The following RBFOX1 variants were observed in gnomAD, a reference collection of about 807,000 sequenced individuals.
RBFOX1 encodes the protein RNA binding fox-1 homolog 1.
A neutral mutation model predicts 57.7 loss-of-function variants in RBFOX1; 8 were observed. That is an observed-to-expected ratio of 0.14 (90% confidence interval 0.08 to 0.25). RBFOX1 has a LOEUF of 0.25. Among genes scored for constraint, RBFOX1 ranks in the 10% least tolerant of loss-of-function variants. The pLI, the probability that RBFOX1 is intolerant of heterozygous loss-of-function variation, is 1.00. For synonymous variants in RBFOX1, 326 were observed against 222.4 expected (o/e 1.47, Z -4.15); for missense variants, 611 against 548.5 (o/e 1.11, Z -1.14).
chr16:6,637,326 T>TTATATATTAAATATATATAA (rs2098449908), intron 2 of RBFOX1, among the ~76,000 whole-genome samples: 1 of 23,180 alleles, frequency 4.3e-5, no homozygotes, highest in African/African-American at 1.8e-4. Flanking sequence ...ATTATATATA[T>TTATATATTAAATATATATAA]TATATAATAT....
intron 3 of RBFOX1, among the ~76,000 whole-genome samples, chr16:5,720,187 G>T (rs2051876374): frequency 6.6e-6 from 1 of 152,162 alleles, no homozygotes; most frequent in African/African-American, 2.4e-5. Context: ...ATTGAACATT[G>T]TGTGTGTGCT....
At chr16:7,036,950 A>C (rs764454067) in intron 3 of RBFOX1, among the ~76,000 whole-genome samples, 8 of 152,122 alleles carry the variant, frequency 5.3e-5, no homozygotes, top group Admixed American at 2.6e-4. Context: ...TAGATTATTC[A>C]TGCTTCCCCT....
At chr16:7,229,434 C>G (rs982291577) in intron 4 of RBFOX1, among the ~76,000 whole-genome samples, 2 of 151,288 alleles carry the variant, frequency 1.3e-5, no homozygotes, top group African/African-American at 4.9e-5. Flanking sequence ...TTCCTGTCAT[C>G]TATGTAGATG....
intron 3 of RBFOX1, among the ~76,000 whole-genome samples, chr16:6,913,113 A>C (rs2072135211): frequency 6.6e-6 from 1 of 152,120 alleles, no homozygotes; most frequent in African/African-American, 2.4e-5. Flanking sequence ...TCCACCCACC[A>C]GGCCGCTGGG....
At chr16:6,849,691 C>A (rs1299852362) in intron 3 of RBFOX1, among the ~76,000 whole-genome samples, 1 of 151,686 alleles carries the variant, frequency 6.6e-6, no homozygotes. Flanking sequence ...CAAAATAAAA[C>A]AAAAAAAACT....
At chr16:6,048,563 A>G (rs185533981) in intron 1 of RBFOX1, among the ~76,000 whole-genome samples, 1 of 152,292 alleles carries the variant, frequency 6.6e-6, no homozygotes, top group African/African-American at 2.4e-5. Flanking sequence ...TTAAAACACC[A>G]CAAATAACTC....
At chr16:6,832,528 C>G (rs1164035828) in intron 3 of RBFOX1, among the ~76,000 whole-genome samples, 1 of 152,128 alleles carries the variant, frequency 6.6e-6, no homozygotes, top group Non-Finnish European at 1.5e-5. Flanking sequence ...TAATTGTATG[C>G]CTCTTGCTTA....
chr16:6,370,453 T>C (rs1174242513), intron 2 of RBFOX1, among the ~76,000 whole-genome samples: 2 of 146,492 alleles, frequency 1.4e-5, no homozygotes, highest in Non-Finnish European at 3.0e-5. Context: ...TTTTAACTAA[T>C]CATTTTTGCA....
chr16:7,083,458 A>AC (rs1162836293), intron 4 of RBFOX1, among the ~76,000 whole-genome samples: 1 of 152,030 alleles, frequency 6.6e-6, no homozygotes, highest in Non-Finnish European at 1.5e-5. Context: ...AAGATTAAAT[A>AC]TAAAAAAACA....
chr16:6,853,499 C>T (rs899932708), intron 3 of RBFOX1, among the ~76,000 whole-genome samples: 1 of 152,156 alleles, frequency 6.6e-6, no homozygotes, highest in East Asian at 1.9e-4. Context: ...TGCTCGAGGA[C>T]AATCCCTGTC....
At chr16:7,079,603 T>G (rs966896422) in intron 4 of RBFOX1, among the ~76,000 whole-genome samples, 7 of 152,282 alleles carry the variant, frequency 4.6e-5, no homozygotes, top group South Asian at 4.1e-4. Context: ...AAATGCCATA[T>G]TGAATAAGTA....
chr16:5,685,868 C>A (rs904724475), intron 3 of RBFOX1, among the ~76,000 whole-genome samples: 28 of 152,150 alleles, frequency 1.8e-4, no homozygotes, highest in Middle Eastern at 3.2e-3. Context: ...TGGACAAAAT[C>A]TTTTACATAT....
At chr16:6,078,518 C>T (rs1039931023) in intron 1 of RBFOX1, among the ~76,000 whole-genome samples, 1 of 152,244 alleles carries the variant, frequency 6.6e-6, no homozygotes. Flanking sequence ...ACTGGACACC[C>T]CTGTTCTAGA....
intron 1 of RBFOX1, among the ~76,000 whole-genome samples, chr16:6,207,870 T>C (rs1051118074): frequency 2.0e-5 from 3 of 152,080 alleles, no homozygotes; most frequent in African/African-American, 4.8e-5. Flanking sequence ...AAAAAATTTT[T>C]TTCAGAGACA....
intron 1 of RBFOX1, among the ~76,000 whole-genome samples, chr16:5,313,711 A>G (rs561115689): frequency 2.0e-5 from 3 of 152,250 alleles, no homozygotes; most frequent in African/African-American, 7.2e-5. Context: ...AAACCATCAG[A>G]TCTCCTGAGA....
chr16:6,353,359 T>C (rs1488388958), intron 2 of RBFOX1, among the ~76,000 whole-genome samples: 3 of 151,966 alleles, frequency 2.0e-5, no homozygotes, highest in Non-Finnish European at 4.4e-5. Context: ...TGTTTGTTTT[T>C]TGGGATGGGT....
intron 3 of RBFOX1, among the ~76,000 whole-genome samples, chr16:5,800,248 T>C (rs964754550): frequency 1.3e-5 from 2 of 152,236 alleles, no homozygotes; most frequent in East Asian, 3.9e-4. Context: ...TCCAGTCCAA[T>C]GGTGTGTAGC....
intron 4 of RBFOX1, among the ~76,000 whole-genome samples, chr16:7,364,998 ATCTATCTG>A (rs980540042): frequency 7.3e-6 from 1 of 137,052 alleles, no homozygotes; most frequent in Non-Finnish European, 1.7e-5. Flanking sequence ...CTTTTGGGGA[ATCTATCTG>A]TCTGTCTGTC....
intron 11 of RBFOX1, among the ~76,000 whole-genome samples, chr16:7,638,828 G>A (rs902187923): frequency 5.3e-5 from 8 of 152,026 alleles, no homozygotes; most frequent in Admixed American, 1.3e-4. Context: ...GGGCCCAAGC[G>A]CCATAGTTTA....
Sources: gnomAD v4.1 joint callset for allele counts (sites outside exome capture counted in the v4.1 genomes callset) on GRCh38, gnomAD v4.1.1 for gene constraint, MANE v1.5 for transcripts, NCBI Gene and HGNC (gene_info 2026-07-23, HGNC 2026-07-21) for gene names.